SLC9A9: variants seen among roughly 807,000 people sequenced by gnomAD.
SLC9A9 encodes sodium/hydrogen exchanger 9.
In SLC9A9, 62 loss-of-function variants were observed where a neutral mutation model predicts 77.8. The ratio of observed to expected loss-of-function variants is 0.80; its 90% CI spans 0.65 to 0.98. The LOEUF (loss-of-function observed/expected upper bound fraction) is 0.98, where lower values mean the gene tolerates loss of function less well. Among genes scored for constraint, SLC9A9 ranks in the 50% least tolerant of loss-of-function variants. The pLI is 0.00. For synonymous variants in SLC9A9, 320 were observed against 283.5 expected (o/e 1.13, Z -1.29); for missense variants, 775 against 774.9 (o/e 1.00, Z 0.00).
chr3:143,518,823 C>T (rs2108611744), intron 9 of SLC9A9, among the ~76,000 whole-genome samples: 1 of 152,252 alleles, frequency 6.6e-6, no homozygotes, highest in Non-Finnish European at 1.5e-5. Context: ...TTTGCTATAA[C>T]AAACAGTGGA....
At chr3:143,697,711 CACA>C (rs1933681757) in intron 4 of SLC9A9, among the ~76,000 whole-genome samples, 1 of 148,216 alleles carries the variant, frequency 6.7e-6, no homozygotes, top group African/African-American at 2.5e-5. Context: ...CACACACACA[CACA>C]CCCCACATAC....
intron 14 of SLC9A9, among the ~76,000 whole-genome samples, chr3:143,296,648 A>G (rs146559354): frequency 6.6e-5 from 10 of 152,330 alleles, no homozygotes; most frequent in Middle Eastern, 3.4e-3. Flanking sequence ...CATTCTCACC[A>G]ACACTGTACA....
chr3:143,673,638 ATAT>A (rs2108767201), intron 5 of SLC9A9, among the ~76,000 whole-genome samples: 1 of 151,992 alleles, frequency 6.6e-6, no homozygotes, highest in East Asian at 1.9e-4. Context: ...TTAATTAATA[ATAT>A]TAATAATATT....
chr3:143,321,483 T>G (rs1333239834), intron 14 of SLC9A9, among the ~76,000 whole-genome samples: 2 of 152,184 alleles, frequency 1.3e-5, no homozygotes, highest in African/African-American at 2.4e-5. Context: ...CAGGGTTAGC[T>G]TTACTTGGCA....
chr3:143,635,514 C>G (rs73152837), intron 6 of SLC9A9, among the ~76,000 whole-genome samples: 3,231 of 152,260 alleles, frequency 0.021, 55 homozygotes, highest in Non-Finnish European at 0.027. Context: ...TTATGGCATT[C>G]AAATTGAGGT....
chr3:143,825,951 A>G (rs547404775), intron 2 of SLC9A9, among the ~76,000 whole-genome samples: 11 of 152,300 alleles, frequency 7.2e-5, no homozygotes, highest in Admixed American at 5.9e-4. Context: ...TGATTCATTC[A>G]TTCATCAGTT....
intron 2 of SLC9A9, chr3:143,811,860 T>C: frequency 4.1e-6 from 1 of 245,746 alleles, no homozygotes; most frequent in Non-Finnish European, 8.0e-6. Flanking sequence ...AGATCTTGTC[T>C]AAAAAGAAAA....
chr3:143,296,390 A>T (rs1381811589), intron 14 of SLC9A9, among the ~76,000 whole-genome samples: 1 of 152,136 alleles, frequency 6.6e-6, no homozygotes, highest in Non-Finnish European at 1.5e-5. Context: ...CCATATGGGA[A>T]GATTTTCTTC....
intron 14 of SLC9A9, among the ~76,000 whole-genome samples, chr3:143,294,763 T>G (rs949513905): frequency 6.6e-6 from 1 of 152,232 alleles, no homozygotes; most frequent in African/African-American, 2.4e-5. Flanking sequence ...ACTGAGTGGT[T>G]AAATTACTTG....
chr3:143,795,084 A>G lies in SLC9A9; in HGVS notation c.457-7T>C. The G allele has an allele frequency of 6.2e-7, 1 of 1,610,514 alleles. No homozygotes were observed. ...AGTTTTGAAAAAAGTGTCTCTGGGG[A>G]GAAAAAAAGATATTTAATAGAGTAC... On this transcript the variant is annotated splice_polypyrimidine_tract_variant and splice_region_variant and intron_variant, in intron 3 of 15. Coordinates refer to ENST00000316549, the MANE Select transcript of SLC9A9 (RefSeq NM_173653.4).
chr3:143,642,694 A>G (rs2038642598), intron 6 of SLC9A9, among the ~76,000 whole-genome samples: 1 of 152,080 alleles, frequency 6.6e-6, no homozygotes, highest in Admixed American at 6.5e-5. Flanking sequence ...TGAATTCTGG[A>G]TTTTTAAAAA....
intron 11 of SLC9A9, among the ~76,000 whole-genome samples, chr3:143,483,908 C>T (rs900600978): frequency 1.3e-5 from 2 of 149,104 alleles, no homozygotes; most frequent in Non-Finnish European, 3.0e-5. Context: ...AAGGGCAGGG[C>T]CCTCATCTTT....
At chr3:143,506,527 A>T (rs972461429) in intron 9 of SLC9A9, among the ~76,000 whole-genome samples, 1 of 152,176 alleles carries the variant, frequency 6.6e-6, no homozygotes, top group African/African-American at 2.4e-5. Context: ...GGGGATTTTT[A>T]TCAGAATAGT....
intron 13 of SLC9A9, among the ~76,000 whole-genome samples, chr3:143,374,205 C>A (rs1436966083): frequency 6.6e-6 from 1 of 151,834 alleles, no homozygotes; most frequent in African/African-American, 2.4e-5. Flanking sequence ...GTGGGCGGAT[C>A]ACGAGGTCAG....
intron 14 of SLC9A9, among the ~76,000 whole-genome samples, chr3:143,349,216 C>G (rs1386915683): frequency 6.6e-6 from 1 of 152,204 alleles, no homozygotes; most frequent in East Asian, 1.9e-4. Context: ...TGAGCTGGAA[C>G]AAAGTAATTT....
intron 14 of SLC9A9, among the ~76,000 whole-genome samples, chr3:143,305,391 T>A (rs1238575488): frequency 1.3e-5 from 2 of 152,160 alleles, no homozygotes; most frequent in African/African-American, 4.8e-5. Flanking sequence ...AGGTAGATGA[T>A]ACCGTTTCAT....
At chr3:143,558,100 C>A (rs1406963621) in intron 8 of SLC9A9, among the ~76,000 whole-genome samples, 1 of 152,226 alleles carries the variant, frequency 6.6e-6, no homozygotes, top group Non-Finnish European at 1.5e-5. Context: ...TGTGTCCCAA[C>A]TGCTTTAGCT....
At chr3:143,381,563 C>A in intron 13 of SLC9A9, 1 of 168,720 alleles carries the variant, frequency 5.9e-6, no homozygotes, top group East Asian at 1.6e-4. Flanking sequence ...AACAATTACC[C>A]CAAAGGATTT....
At position 143,632,122 on chromosome 3, in the gene SLC9A9, G is replaced by C. The variant is rs576959647; in HGVS notation, c.755+20133C>G. Reference sequence around the variant, plus strand: ...TCCTTGTCTCACTTTGAGAGTCAATGGTTCCAAACAAAGCATTCTCTGGGG... The same window carrying C: ...TCCTTGTCTCACTTTGAGAGTCAATCGTTCCAAACAAAGCATTCTCTGGGG... On this transcript the variant is annotated intron_variant, in intron 6 of 15. Transcript: ENST00000316549. 7.2e-5 allele frequency among the ~76,000 whole-genome samples: 11 copies of C among 152,276 alleles called. No individual in the cohort carries two copies. The East Asian group carries it at 1.4e-3, about 19-fold the overall frequency.
Sources: gnomAD v4.1 joint callset for allele counts (sites outside exome capture counted in the v4.1 genomes callset) on GRCh38, gnomAD v4.1.1 for gene constraint, MANE v1.5 for transcripts, NCBI Gene and HGNC (gene_info 2026-07-23, HGNC 2026-07-21) for gene names.